Variants in DPP6 observed in about 807,000 individuals in gnomAD.
DPP6 encodes the protein dipeptidyl peptidase like 6, also known as A-type potassium channel modulatory protein DPP6.
DPP6 carries 69 observed loss-of-function variants against 122.6 expected under a neutral mutation model. The ratio of observed to expected loss-of-function variants is 0.56; its 90% CI spans 0.46 to 0.69. The LOEUF (loss-of-function observed/expected upper bound fraction) is 0.69. Among genes scored for constraint, DPP6 ranks in the 30% least tolerant of loss-of-function variants. DPP6 has a pLI of 0.00. For missense variants in DPP6, 928 were observed against 1,116.9 expected, an observed-to-expected ratio of 0.83 and a Z score of 2.41; for synonymous variants, 418 against 433.1, an observed-to-expected ratio of 0.97 and a Z score of 0.43.
chr7:153,842,887 T>C, the DPP6 span, among the ~76,000 whole-genome samples: 17 of 152,316 alleles, frequency 1.1e-4, 1 homozygote, highest in Admixed American at 9.8e-4. Context: ...AATTTTTCAT[T>C]GATATCACTT....
intron 4 of DPP6, among the ~76,000 whole-genome samples, chr7:154,559,729 A>G (rs1830287870): frequency 6.6e-6 from 1 of 151,856 alleles, no homozygotes; most frequent in Non-Finnish European, 1.5e-5. Context: ...CTGTCAGTCT[A>G]CAGTTCTACA....
chr7:154,780,377 G>A (rs551322512), intron 10 of DPP6, among the ~76,000 whole-genome samples: 2 of 152,224 alleles, frequency 1.3e-5, no homozygotes, highest in Non-Finnish European at 2.9e-5. Flanking sequence ...GTCATGGCCT[G>A]TGTTTGAAAG....
intron 2 of DPP6, among the ~76,000 whole-genome samples, chr7:154,449,421 A>G (rs993628003): frequency 1.3e-5 from 2 of 152,314 alleles, no homozygotes; most frequent in East Asian, 3.9e-4. Context: ...AAACACAAAC[A>G]AAAAATGGAA....
intron 1 of DPP6, among the ~76,000 whole-genome samples, chr7:153,978,354 T>C (rs1796414800): frequency 1.3e-5 from 2 of 152,344 alleles, no homozygotes; most frequent in African/African-American, 4.8e-5. Context: ...AATGTCTTCG[T>C]TTGAAAAGTG....
At chr7:154,300,174 G>A (rs898161789) in intron 1 of DPP6, among the ~76,000 whole-genome samples, 4 of 152,224 alleles carry the variant, frequency 2.6e-5, no homozygotes, top group African/African-American at 9.6e-5. Flanking sequence ...CTGGAGTCCC[G>A]GGTTGGCAGG....
chr7:153,827,698 C>A, the DPP6 span, among the ~76,000 whole-genome samples: 2 of 152,012 alleles, frequency 1.3e-5, no homozygotes, highest in African/African-American at 2.4e-5. Flanking sequence ...ACTTCTGGTG[C>A]CACAAGGAGA....
At chr7:153,861,236 T>G in the DPP6 span, among the ~76,000 whole-genome samples, 1 of 152,206 alleles carries the variant, frequency 6.6e-6, no homozygotes, top group East Asian at 1.9e-4. Context: ...CATAAACATA[T>G]TTATAATTTA....
rs73167094 is a variant in DPP6 at position 154,783,932 on chromosome 7, T to A, written c.1137-10147T>A. Among the ~76,000 whole-genome samples, 439 of 152,200 alleles carry A rather than the reference T, an allele frequency of 2.9e-3. 1 individual carries two copies. Among genetic ancestry groups the A allele is most frequent in the Non-Finnish European group, 4.3e-3 (293 of 68,010 alleles). Reference sequence around the variant, plus strand: ...ACAAACATGGCTTTCTTGGAGGCTATCTCTTCAAGCCTCCAAGAGGAGCTT... The same window carrying A: ...ACAAACATGGCTTTCTTGGAGGCTAACTCTTCAAGCCTCCAAGAGGAGCTT... On this transcript the variant is annotated intron_variant, in intron 10 of 25. Coordinates refer to ENST00000377770, the MANE Select transcript of DPP6 (RefSeq NM_130797.4).
rs993577057 is a variant in DPP6, at chr7:154,894,115, A to G, written c.*1635A>G. ...ACCAACGTGCTGATAAACAGGACCG[A>G]TCCGAGTGCTACATGACTGTGCGTT... On this transcript the variant is annotated 3_prime_UTR_variant, in exon 26 of 26. Transcript: ENST00000377770. The G allele has an allele frequency of 6.6e-6, 1 of 152,340 alleles. No homozygotes were observed. Among genetic ancestry groups the G allele is most frequent in the Non-Finnish European group, 1.5e-5 (1 of 68,040 alleles). The allele number at this position is 152,340 out of a possible 1,614,324, so 9.4% of individuals were successfully genotyped here.
At chr7:154,182,049 G>A (rs1485364601) in intron 1 of DPP6, among the ~76,000 whole-genome samples, 1 of 152,076 alleles carries the variant, frequency 6.6e-6, no homozygotes, top group East Asian at 1.9e-4. Context: ...ACCGTGCCTG[G>A]CCGAAAATGC....
intron 20 of DPP6, among the ~76,000 whole-genome samples, chr7:154,879,789 T>A (rs939164566): frequency 2.0e-5 from 3 of 152,156 alleles, no homozygotes; most frequent in African/African-American, 7.2e-5. Context: ...CTGGAGCTGC[T>A]CTCTCCTTTG....
intron 1 of DPP6, among the ~76,000 whole-genome samples, chr7:154,019,293 T>G (rs546818680): frequency 6.6e-6 from 1 of 152,278 alleles, no homozygotes; most frequent in East Asian, 1.9e-4. Flanking sequence ...CAGCCTCTCC[T>G]TACTCCCTTC....
chr7:153,916,133 ATGT>A (rs1800302040), intron 1 of DPP6, among the ~76,000 whole-genome samples: 1 of 150,346 alleles, frequency 6.7e-6, no homozygotes, highest in Non-Finnish European at 1.5e-5. Flanking sequence ...CGCCTGGCTA[ATGT>A]TTTTTTTTTT....
intron 1 of DPP6, among the ~76,000 whole-genome samples, chr7:154,124,662 A>G (rs375787473): frequency 2.0e-5 from 3 of 152,240 alleles, no homozygotes; most frequent in African/African-American, 7.2e-5. Flanking sequence ...AGTGGAAGAA[A>G]GAAGTATGAT....
At chr7:154,343,242 A>G (rs1810085091) in intron 1 of DPP6, among the ~76,000 whole-genome samples, 1 of 152,216 alleles carries the variant, frequency 6.6e-6, no homozygotes, top group South Asian at 2.1e-4. Flanking sequence ...TACAGATGAG[A>G]AAACCAAGAT....
chr7:153,799,663 T>C, the DPP6 span, among the ~76,000 whole-genome samples: 1 of 152,182 alleles, frequency 6.6e-6, no homozygotes, highest in South Asian at 2.1e-4. Context: ...AGCTTAGTTC[T>C]GCAAAAATGT....
At chr7:154,426,823 A>C (rs6942529) in intron 1 of DPP6, among the ~76,000 whole-genome samples, 14,990 of 151,302 alleles carry the variant, frequency 0.099, 912 homozygotes, top group African/African-American at 0.14. Context: ...AAAAAAAAAA[A>C]AAAAAAAACT....
intron 16 of DPP6, among the ~76,000 whole-genome samples, chr7:154,847,391 C>T (rs988790387): frequency 1.1e-4 from 16 of 152,210 alleles, no homozygotes; most frequent in South Asian, 2.1e-4. Context: ...ACTTCTGGGA[C>T]GAGAGAGGAC....
At chr7:154,683,656 T>TTACATGGAAAAGGAAGTAAAA (rs1839421481) in intron 7 of DPP6, among the ~76,000 whole-genome samples, 1 of 152,132 alleles carries the variant, frequency 6.6e-6, no homozygotes, top group Non-Finnish European at 1.5e-5. Flanking sequence ...TTCCACTGTT[T>TTACATGGAAAAGGAAGTAAAA]TCCACTGCCT....
Sources: gnomAD v4.1 joint callset for allele counts (sites outside exome capture counted in the v4.1 genomes callset) on GRCh38, gnomAD v4.1.1 for gene constraint, MANE v1.5 for transcripts, NCBI Gene and HGNC (gene_info 2026-07-23, HGNC 2026-07-21) for gene names.